PRKG1: variants seen among roughly 807,000 people sequenced by gnomAD.
PRKG1 encodes cGMP-dependent protein kinase 1.
A neutral mutation model predicts 88.1 loss-of-function variants in PRKG1; 35 were observed. The observed-to-expected ratio is 0.40, with a 90% CI of 0.30 to 0.53. The LOEUF (loss-of-function observed/expected upper bound fraction) is 0.53. Among genes scored for constraint, PRKG1 ranks in the 20% least tolerant of loss-of-function variants. The pLI is 0.59. For missense variants in PRKG1, 540 were observed against 839.8 expected (o/e 0.64, Z 4.41); for synonymous variants, 303 against 292.5 (o/e 1.04, Z -0.37).
chr10:52,210,201 C>T (rs78390779), intron 9 of PRKG1, among the ~76,000 whole-genome samples: 1,532 of 152,120 alleles, frequency 0.01, 35 homozygotes, highest in African/African-American at 0.035. Flanking sequence ...CTAATTAAAA[C>T]GGATTGCTGT....
intron 1 of PRKG1, among the ~76,000 whole-genome samples, chr10:51,012,678 G>A (rs1180999262): frequency 3.9e-5 from 6 of 152,192 alleles, no homozygotes; most frequent in Non-Finnish European, 8.8e-5. Context: ...GGTGCTAAGG[G>A]CACAATAGTG....
chr10:51,528,879 A>C (rs904534158), intron 3 of PRKG1, among the ~76,000 whole-genome samples: 6 of 152,260 alleles, frequency 3.9e-5, no homozygotes, highest in African/African-American at 1.4e-4. Context: ...TCTTGTCCCC[A>C]ATGTAAATGG....
intron 3 of PRKG1, among the ~76,000 whole-genome samples, chr10:51,796,201 GT>G (rs879500610): frequency 6.6e-6 from 1 of 152,014 alleles, no homozygotes; most frequent in Non-Finnish European, 1.5e-5. Context: ...ATGATTATCT[GT>G]TATGAGTGTT....
chr10:51,686,640 C>T (rs1012891896), intron 3 of PRKG1, among the ~76,000 whole-genome samples: 1 of 152,216 alleles, frequency 6.6e-6, no homozygotes, highest in African/African-American at 2.4e-5. Context: ...TTTGTTTCCC[C>T]CATAGGCAAA....
intron 4 of PRKG1, among the ~76,000 whole-genome samples, chr10:51,859,940 A>G (rs1840827104): frequency 6.6e-6 from 1 of 152,212 alleles, no homozygotes; most frequent in East Asian, 1.9e-4. Context: ...AGCCACTGGC[A>G]TATAGCAAAT....
At chr10:52,241,103 A>G (rs888197634) in intron 9 of PRKG1, among the ~76,000 whole-genome samples, 3 of 152,160 alleles carry the variant, frequency 2.0e-5, no homozygotes, top group African/African-American at 4.8e-5. Flanking sequence ...TTCTATTTCA[A>G]ACATCCAAGA....
intron 3 of PRKG1, among the ~76,000 whole-genome samples, chr10:51,565,403 A>C (rs542850650): frequency 6.6e-6 from 1 of 152,166 alleles, no homozygotes; most frequent in African/African-American, 2.4e-5. Context: ...TGCTCCACCA[A>C]GAGAATGAGT....
At chr10:52,258,204 C>A (rs2132411259) in intron 10 of PRKG1, among the ~76,000 whole-genome samples, 1 of 138,540 alleles carries the variant, frequency 7.2e-6, no homozygotes, top group East Asian at 2.1e-4. Context: ...CTCCTCTAAA[C>A]CTGCATATGA....
At chr10:52,082,021 C>T (rs529327378) in intron 7 of PRKG1, among the ~76,000 whole-genome samples, 4 of 152,100 alleles carry the variant, frequency 2.6e-5, no homozygotes, top group African/African-American at 7.2e-5. Flanking sequence ...CACAGTTCTG[C>T]GTGGCTAGGG....
At chr10:51,753,152 A>G (rs781748154) in intron 3 of PRKG1, among the ~76,000 whole-genome samples, 1 of 152,124 alleles carries the variant, frequency 6.6e-6, no homozygotes, top group Non-Finnish European at 1.5e-5. Context: ...TTCTTTTAGT[A>G]AGCTTTTGGA....
chr10:51,747,055 C>T (rs967643302), intron 3 of PRKG1, among the ~76,000 whole-genome samples: 1 of 152,176 alleles, frequency 6.6e-6, no homozygotes, highest in South Asian at 2.1e-4. Flanking sequence ...TCTTTGTGTG[C>T]TGTTATTTTA....
At chr10:52,078,506 A>G (rs552595205) in intron 7 of PRKG1, among the ~76,000 whole-genome samples, 6 of 152,324 alleles carry the variant, frequency 3.9e-5, no homozygotes, top group Admixed American at 1.3e-4. Flanking sequence ...ACACTATTCC[A>G]TACACTACCA....
At chr10:51,511,763 G>T (rs1462215382) in intron 3 of PRKG1, among the ~76,000 whole-genome samples, 1 of 152,116 alleles carries the variant, frequency 6.6e-6, no homozygotes, top group Non-Finnish European at 1.5e-5. Flanking sequence ...GAAGCCATTT[G>T]GCAGTATCTA....
At chr10:51,475,442 C>T (rs1840162622) in intron 3 of PRKG1, among the ~76,000 whole-genome samples, 1 of 151,866 alleles carries the variant, frequency 6.6e-6, no homozygotes. Flanking sequence ...TGAACTATAC[C>T]CTATAGCTGC....
At chr10:51,691,548 A>C (rs964168386) in intron 3 of PRKG1, among the ~76,000 whole-genome samples, 3 of 152,148 alleles carry the variant, frequency 2.0e-5, no homozygotes, top group African/African-American at 7.2e-5. Context: ...ACTCCTGGAC[A>C]CAAGCGATCC....
intron 2 of PRKG1, among the ~76,000 whole-genome samples, chr10:51,391,712 G>T (rs1354964107): frequency 1.3e-5 from 2 of 152,190 alleles, no homozygotes; most frequent in Non-Finnish European, 2.9e-5. Context: ...GGGGATAATA[G>T]AAACTCATCA....
intron 9 of PRKG1, among the ~76,000 whole-genome samples, chr10:52,238,510 G>T (rs1429511464): frequency 2.0e-5 from 3 of 152,064 alleles, no homozygotes; most frequent in East Asian, 3.9e-4. Context: ...AGTGGGTGAA[G>T]GACATGAACA....
chr10:51,350,344 T>C (rs1842212633), intron 2 of PRKG1, among the ~76,000 whole-genome samples: 1 of 152,116 alleles, frequency 6.6e-6, no homozygotes, highest in Admixed American at 6.5e-5. Context: ...TAAATATTGG[T>C]AGTGGGGAGT....
chr10:51,854,324 C>A (rs1196912321), intron 4 of PRKG1, among the ~76,000 whole-genome samples: 2 of 152,030 alleles, frequency 1.3e-5, no homozygotes, highest in Admixed American at 1.3e-4. Flanking sequence ...GAAGACAAAT[C>A]AGATAAGAAC....
Sources: allele counts gnomAD v4.1 joint callset (sites outside exome capture counted in the v4.1 genomes callset), GRCh38; gene constraint gnomAD v4.1.1; transcripts MANE v1.5; gene names NCBI Gene and HGNC (gene_info 2026-07-23, HGNC 2026-07-21).